XPO5: variants seen among roughly 807,000 people sequenced by gnomAD.
The protein encoded by XPO5 is exportin-5.
In XPO5, 46 loss-of-function variants were observed where a neutral mutation model predicts 160.6. The ratio of observed to expected loss-of-function variants is 0.29; its 90% CI spans 0.23 to 0.37. The LOEUF (loss-of-function observed/expected upper bound fraction) is 0.37, where lower values mean the gene tolerates loss of function less well. Among genes scored for constraint, XPO5 ranks in the 10% least tolerant of loss-of-function variants. The pLI is 1.00. For synonymous variants in XPO5, 537 were observed against 519.3 expected (o/e 1.03, Z -0.46); for missense variants, 1,090 against 1,463.9 (o/e 0.74, Z 4.17).
In XPO5 at chr6:43,539,375, A is replaced by G. The variant is rs957473518; in HGVS notation, c.2343-5368T>C. 3,127 of 1,579,268 alleles carry G rather than the reference A, an allele frequency of 2.0e-3. 4 individuals are homozygous for G. Among genetic ancestry groups the G allele is most frequent in the Non-Finnish European group, 2.5e-3 (2,958 of 1,168,612 alleles). On this transcript the variant is annotated intron_variant, in intron 20 of 31. Coordinates refer to ENST00000265351, the MANE Select transcript of XPO5 (RefSeq NM_020750.3). ...AGCACGGGTCTGCTTCTGCACTGGCATAATCTTCAAAACCTCATCCTTGAG... is the reference window on the plus strand; with the variant it reads ...AGCACGGGTCTGCTTCTGCACTGGCGTAATCTTCAAAACCTCATCCTTGAG...
intron 15 of XPO5, chr6:43,551,067 C>T (rs143486387): frequency 2.3e-4 from 79 of 343,784 alleles, no homozygotes; most frequent in African/African-American, 1.4e-3. Context: ...TATTAGTTTG[C>T]CTCACATAAT....
At chr6:43,575,573 C>T (rs373235620) in intron 1 of XPO5, among the ~76,000 whole-genome samples, 187 bp downstream of exon 1, 3 of 152,274 alleles carry the variant, frequency 2.0e-5, no homozygotes, top group African/African-American at 7.2e-5. Flanking sequence ...AGGACAGGAG[C>T]GGCGAGTAGA....
chr6:43,556,421 A>C (rs1412832498), intron 12 of XPO5, among the ~76,000 whole-genome samples: 1 of 151,540 alleles, frequency 6.6e-6, no homozygotes, highest in East Asian at 1.9e-4. Context: ...GTAACTTGGG[A>C]GAGTGAGGTA....
At chr6:43,533,091 C>T (rs912155587) in intron 21 of XPO5, among the ~76,000 whole-genome samples, 4 of 152,080 alleles carry the variant, frequency 2.6e-5, no homozygotes, top group African/African-American at 9.7e-5. Flanking sequence ...GCTGAGATTG[C>T]ACCACTGTAC....
intron 21 of XPO5, 64 bp from the exon 22 acceptor site, chr6:43,531,639 T>A (rs919368893): frequency 3.6e-6 from 5 of 1,382,142 alleles, no homozygotes; most frequent in Non-Finnish European, 5.2e-6. Flanking sequence ...TGGCCAACAC[T>A]CTACAGCAGG....
intron 23 of XPO5, chr6:43,529,378 TAAAAAAAAAAAAA>T: frequency 8.2e-6 from 1 of 121,292 alleles, no homozygotes; most frequent in Non-Finnish European, 1.5e-5. Flanking sequence ...CCGTCTCTAC[TAAAAAAAAAAAAA>T]AAAAAAAAAA....
intron 12 of XPO5, among the ~76,000 whole-genome samples, chr6:43,558,079 G>A (rs1258768431): frequency 7.4e-5 from 11 of 149,468 alleles, no homozygotes; most frequent in African/African-American, 2.5e-4. Context: ...TGGGCAACAA[G>A]AGTGAAACTC....
At position 43,573,929 on chromosome 6, in the gene XPO5, T is replaced by C. The variant is rs555542177; in HGVS notation, c.106-328A>G. Among the ~76,000 whole-genome samples, 36 of 150,954 alleles carry C rather than the reference T, an allele frequency of 2.4e-4. No homozygotes were observed. The South Asian group carries it at 7.5e-3, about 32-fold the overall frequency. On this transcript the variant is annotated intron_variant, in intron 1 of 31. Coordinates refer to ENST00000265351, the MANE Select transcript of XPO5 (RefSeq NM_020750.3). The stretch of plus-strand genomic sequence containing the variant: ...ACCTCTGCTTCCCAGGTTCAAGCAG[T>C]TCTCCTGCCTCAGCCTCCTGAGCCC...
Position 43,560,191 on chromosome 6 carries a change from G to A in XPO5, c.1208C>T (p.Thr403Ile). The A allele has an allele frequency of 6.2e-7, 1 of 1,612,748 alleles. No individual in the cohort carries two copies. Among genetic ancestry groups the A allele is most frequent in the Non-Finnish European group, 8.5e-7 (1 of 1,179,316 alleles). Residue 403 changes from threonine to isoleucine, a missense_variant, in exon 11 of 32, where the codon ACT (threonine) becomes ATT (isoleucine). Coordinates refer to ENST00000265351, the MANE Select transcript of XPO5 (RefSeq NM_020750.3). ...CCCATTATATACCTTGACCAAGTTA[G>A]TCATGGAAGCACGAAGATATTTTGG... The part of the protein sequence containing the change: ...IIPKYLRASM[T>I]NLVKMGFPSK...
intron 24 of XPO5, among the ~76,000 whole-genome samples, 161 bp downstream of exon 24, chr6:43,528,667 C>G (rs1334044768): frequency 6.6e-6 from 1 of 152,104 alleles, no homozygotes; most frequent in Non-Finnish European, 1.5e-5. Flanking sequence ...GGGGGCTGCT[C>G]GATCCTACAG....
chr6:43,574,014 G>T (rs1172146944), intron 1 of XPO5, among the ~76,000 whole-genome samples: 3 of 151,758 alleles, frequency 2.0e-5, no homozygotes, highest in African/African-American at 7.3e-5. Context: ...ATTTTTAGTA[G>T]AAACAAGGTT....
rs1762065624 is a variant in XPO5 at position 43,556,076 on chromosome 6, T to C, written c.1313-112A>G. On this transcript the variant is annotated intron_variant, in intron 12 of 31. Coordinates refer to ENST00000265351, the MANE Select transcript of XPO5 (RefSeq NM_020750.3). ...GGGAAAAGCATTCAAAGGAACTGTT[T>C]TGCAGACTTGTGCTTTGCATGTAAT... is the stretch of plus-strand genomic sequence containing the variant. 3 of 1,415,124 alleles carry C rather than the reference T, an allele frequency of 2.1e-6. No individual in the cohort carries two copies. In the Admixed American group the frequency reaches 6.9e-5, roughly 33 times the overall value. The allele number at this position is 1,415,124 out of a possible 1,614,324, so 87.7% of individuals were successfully genotyped here.
chr6:43,551,184 A>G, intron 15 of XPO5, 114 bp downstream of exon 15: 2 of 1,151,352 alleles, frequency 1.7e-6, no homozygotes, highest in South Asian at 4.2e-5. Context: ...TGAGACTAGT[A>G]ATTTGAGTCC....
At chr6:43,525,576 C>A in intron 28 of XPO5, 1 of 527,920 alleles carries the variant, frequency 1.9e-6, no homozygotes. Context: ...AAGCTCAGGC[C>A]TGGCTTGGGG....
At chr6:43,556,000 CA>C in intron 12 of XPO5, 36 bp from the exon 13 acceptor site, 3 of 1,610,214 alleles carry the variant, frequency 1.9e-6, no homozygotes, top group Non-Finnish European at 2.5e-6. Flanking sequence ...GGACAGGAAT[CA>C]ATAACTGGTA....
rs769375098 is a variant in XPO5 at position 43,560,884 on chromosome 6, C to T, written c.1095+40G>A. 2.1e-5 allele frequency: 32 copies of T among 1,514,552 alleles called. No individual in the cohort carries two copies. In the East Asian group the frequency reaches 7.0e-4, roughly 33 times the overall value. 93.8% of individuals were successfully genotyped at this position (1,514,552 alleles called of 1,614,324 possible). ...GGACACAGTGCTTGACATTGGTTCA[C>T]CTAACTAAACTTTTGAGAAGTTACC... On this transcript the variant is annotated intron_variant, in intron 10 of 31. Transcript: ENST00000265351.
At chr6:43,560,449 G>T in intron 10 of XPO5, 146 bp from the exon 11 acceptor site, 1 of 1,010,358 alleles carries the variant, frequency 9.9e-7, no homozygotes, top group Non-Finnish European at 1.4e-6. Context: ...TATCAGTAAT[G>T]ACCACCCACT....
At chr6:43,551,545 C>G in intron 14 of XPO5, 92 bp from the exon 15 acceptor site, 1 of 1,497,888 alleles carries the variant, frequency 6.7e-7, no homozygotes, top group Middle Eastern at 2.4e-4. Flanking sequence ...TTTAAAGAGA[C>G]AGGGTCTCAT....
chr6:43,569,319 T>A (rs540977268), intron 5 of XPO5, among the ~76,000 whole-genome samples: 15 of 146,904 alleles, frequency 1.0e-4, no homozygotes, highest in Middle Eastern at 3.8e-3. Flanking sequence ...CAAAAAAAAA[T>A]ACATATATAT....
Sources: allele counts gnomAD v4.1 joint callset (sites outside exome capture counted in the v4.1 genomes callset), GRCh38; gene constraint gnomAD v4.1.1; transcripts MANE v1.5; gene names NCBI Gene and HGNC (gene_info 2026-07-23, HGNC 2026-07-21).